SPOCK3: variants seen among roughly 807,000 people sequenced by gnomAD.
SPOCK3 encodes the protein testican-3.
In SPOCK3, 30 loss-of-function variants were observed where a neutral mutation model predicts 56.6. That is an observed-to-expected ratio of 0.53 (90% CI 0.40 to 0.72). The LOEUF (loss-of-function observed/expected upper bound fraction) is 0.72. SPOCK3 is among the 30% of genes least tolerant of loss of function. The pLI, the probability that SPOCK3 is intolerant of heterozygous loss-of-function variation, is 0.00. For missense variants in SPOCK3, 527 were observed against 530.0 expected (o/e 0.99, Z 0.06); for synonymous variants, 196 against 183.3 (o/e 1.07, Z -0.56).
chr4:167,060,293 GA>G lies in SPOCK3; in HGVS notation c.235+2198del, dbSNP rs35693019. Among the ~76,000 whole-genome samples the G allele has an allele frequency of 3.2e-3, 409 of 128,584 alleles. 2 individuals carry two copies. The highest frequency in any genetic ancestry group is 4.2e-3 in the Non-Finnish European group (249 of 59,162). 84.4% of individuals were successfully genotyped at this position (128,584 alleles called of 152,430 possible). Reference sequence around the variant, plus strand: ...TGTTAAGTAAAATAAACCAGGCACAGAAAAAAAAAAAAGAAAAAACAAACAA... The same window carrying G: ...TGTTAAGTAAAATAAACCAGGCACAGAAAAAAAAAAAGAAAAAACAAACAA... On this transcript the variant is annotated intron_variant, in intron 3 of 10. Transcript: ENST00000357545.
intron 8 of SPOCK3, 138 bp from the exon 9 acceptor site, chr4:166,742,197 G>C: frequency 3.3e-6 from 2 of 609,152 alleles, no homozygotes; most frequent in East Asian, 5.8e-5. Context: ...TACTTATAAA[G>C]ATACATTCAT....
At chr4:167,070,315 C>T (rs942161129) in intron 2 of SPOCK3, among the ~76,000 whole-genome samples, 1 of 151,854 alleles carries the variant, frequency 6.6e-6, no homozygotes, top group African/African-American at 2.4e-5. Context: ...TGATTTTTAA[C>T]CTTTCTACAA....
chr4:167,058,586 T>C (rs1354248159), intron 3 of SPOCK3, among the ~76,000 whole-genome samples: 6 of 152,136 alleles, frequency 3.9e-5, no homozygotes, highest in Admixed American at 1.3e-4. Flanking sequence ...CAAGGTAATT[T>C]ATAGATTCAA....
intron 2 of SPOCK3, among the ~76,000 whole-genome samples, chr4:167,119,607 T>C (rs1761703053): frequency 6.6e-6 from 1 of 152,126 alleles, no homozygotes; most frequent in African/African-American, 2.4e-5. Flanking sequence ...CTTGCATTAT[T>C]ATGTAGCAAA....
chr4:167,037,269 G>A (rs1752836551), intron 3 of SPOCK3, among the ~76,000 whole-genome samples: 1 of 152,064 alleles, frequency 6.6e-6, no homozygotes, highest in African/African-American at 2.4e-5. Context: ...GAATCACAAG[G>A]TCAAGAGATC....
intron 3 of SPOCK3, among the ~76,000 whole-genome samples, chr4:167,032,723 G>GA (rs1038942782): frequency 4.6e-5 from 7 of 151,584 alleles, no homozygotes; most frequent in African/African-American, 1.7e-4. Context: ...AATTATCATA[G>GA]AAAAAAAGGC....
intron 2 of SPOCK3, among the ~76,000 whole-genome samples, chr4:167,180,068 T>C (rs574781401): frequency 6.6e-6 from 1 of 152,264 alleles, no homozygotes; most frequent in East Asian, 1.9e-4. Flanking sequence ...CAAGCTGGAC[T>C]CAATGACAGA....
intron 2 of SPOCK3, among the ~76,000 whole-genome samples, chr4:167,205,552 T>C (rs1183576927): frequency 1.6e-5 from 1 of 61,456 alleles, no homozygotes; most frequent in Non-Finnish European, 2.7e-5. Context: ...TATTATATAA[T>C]ATATAATATA....
intron 4 of SPOCK3, among the ~76,000 whole-genome samples, chr4:166,917,001 C>G (rs1033878587): frequency 6.6e-6 from 1 of 152,064 alleles, no homozygotes; most frequent in Admixed American, 6.6e-5. Context: ...GCTAGAAATG[C>G]TGAAGTTGCA....
At chr4:166,959,278 A>C (rs909792558) in intron 4 of SPOCK3, among the ~76,000 whole-genome samples, 1 of 152,122 alleles carries the variant, frequency 6.6e-6, no homozygotes, top group Non-Finnish European at 1.5e-5. Flanking sequence ...AGTGCTTATG[A>C]GAAAAATGAG....
At chr4:167,063,611 G>A (rs759648374) in intron 2 of SPOCK3, among the ~76,000 whole-genome samples, 3 of 151,874 alleles carry the variant, frequency 2.0e-5, no homozygotes, top group African/African-American at 7.2e-5. Flanking sequence ...TCAGCTTGTA[G>A]TGTAACCATC....
At chr4:166,985,522 A>C (rs767892402) in intron 4 of SPOCK3, among the ~76,000 whole-genome samples, 1 of 152,192 alleles carries the variant, frequency 6.6e-6, no homozygotes, top group Non-Finnish European at 1.5e-5. Context: ...GCAAACATTC[A>C]GGACTCAATG....
At chr4:166,876,135 A>T (rs1322650434) in intron 6 of SPOCK3, among the ~76,000 whole-genome samples, 4 of 152,310 alleles carry the variant, frequency 2.6e-5, no homozygotes, top group South Asian at 2.1e-4. Context: ...GAATTAAACA[A>T]ATCTCCTCAG....
intron 2 of SPOCK3, among the ~76,000 whole-genome samples, chr4:167,087,448 G>A (rs933540401): frequency 6.6e-6 from 1 of 152,152 alleles, no homozygotes; most frequent in African/African-American, 2.4e-5. Context: ...GTTACAGTAA[G>A]AACCACTGAT....
intron 2 of SPOCK3, among the ~76,000 whole-genome samples, chr4:167,147,620 C>CT (rs1355674556): frequency 1.3e-5 from 2 of 152,114 alleles, no homozygotes; most frequent in Non-Finnish European, 2.9e-5. Flanking sequence ...CCATGGAATA[C>CT]TATTCAGCCA....
chr4:167,231,552 T>C (rs1580702693), intron 2 of SPOCK3, among the ~76,000 whole-genome samples: 1 of 152,240 alleles, frequency 6.6e-6, no homozygotes, highest in African/African-American at 2.4e-5. Context: ...GGTAGATTCA[T>C]GCAGTATAGT....
intron 2 of SPOCK3, among the ~76,000 whole-genome samples, chr4:167,134,027 T>TC (rs1227131465): frequency 1.4e-5 from 2 of 138,394 alleles, no homozygotes; most frequent in Non-Finnish European, 3.1e-5. Flanking sequence ...TTTTTCTTTT[T>TC]TTTTTTTTTT....
chr4:167,083,744 A>G (rs567501386), intron 2 of SPOCK3, among the ~76,000 whole-genome samples: 1 of 152,258 alleles, frequency 6.6e-6, no homozygotes, highest in East Asian at 1.9e-4. Context: ...ATAACAAGAG[A>G]GGATTATAGA....
At chr4:167,219,589 C>A (rs1490741240) in intron 2 of SPOCK3, among the ~76,000 whole-genome samples, 2 of 152,066 alleles carry the variant, frequency 1.3e-5, no homozygotes, top group Non-Finnish European at 2.9e-5. Context: ...GTTAAATGAG[C>A]TTTTACTTAT....
Sources: gnomAD v4.1 joint callset for allele counts (sites outside exome capture counted in the v4.1 genomes callset) on GRCh38, gnomAD v4.1.1 for gene constraint, MANE v1.5 for transcripts, NCBI Gene and HGNC (gene_info 2026-07-23, HGNC 2026-07-21) for gene names.